Variants in CFTR observed in about 807,000 individuals in gnomAD.
CFTR encodes cystic fibrosis transmembrane conductance regulator.
In CFTR, 181 loss-of-function variants were observed where a neutral mutation model predicts 171.6. That is an observed-to-expected ratio of 1.05 (90% CI 0.93 to 1.19). The LOEUF (loss-of-function observed/expected upper bound fraction) is 1.19, where lower values mean the gene tolerates loss of function less well. Among genes scored for constraint, CFTR ranks in the 50% most tolerant of loss-of-function variants. The pLI is 0.00. For missense variants in CFTR, 1,968 were observed against 1,734.7 expected, an observed-to-expected ratio of 1.13 and a Z score of -2.39; for synonymous variants, 583 against 608.0, an observed-to-expected ratio of 0.96 and a Z score of 0.60.
intron 22 of CFTR, among the ~76,000 whole-genome samples, chr7:117,636,006 C>G (rs569239309): frequency 6.6e-6 from 1 of 152,062 alleles, no homozygotes; most frequent in Non-Finnish European, 1.5e-5. Context: ...TATAATTTTC[C>G]TTTTCTCTCT....
At chr7:117,518,588 A>G (rs13438309) in intron 3 of CFTR, among the ~76,000 whole-genome samples, 62,980 of 147,214 alleles carry the variant, frequency 0.43, 13,648 homozygotes, top group South Asian at 0.48. Flanking sequence ...ATATATATAT[A>G]TGTGTGTTTT....
chr7:117,652,208 A>G (rs1793099047), intron 23 of CFTR, among the ~76,000 whole-genome samples: 1 of 152,154 alleles, frequency 6.6e-6, no homozygotes. Context: ...TTGTCATTTT[A>G]TTCCTTACCA....
At chr7:117,488,117 T>G (rs979809472) in intron 1 of CFTR, among the ~76,000 whole-genome samples, 1 of 152,128 alleles carries the variant, frequency 6.6e-6, no homozygotes, top group African/African-American at 2.4e-5. Flanking sequence ...AAGGGCTAGA[T>G]AGTAAATATT....
chr7:117,482,909 T>A (rs1798020045), intron 1 of CFTR, among the ~76,000 whole-genome samples: 1 of 152,226 alleles, frequency 6.6e-6, no homozygotes, highest in African/African-American at 2.4e-5. Context: ...ACTGAGGAAC[T>A]GTGGGAACCC....
At chr7:117,494,132 G>T (rs1798202980) in intron 1 of CFTR, among the ~76,000 whole-genome samples, 1 of 151,972 alleles carries the variant, frequency 6.6e-6, no homozygotes, top group African/African-American at 2.4e-5. Flanking sequence ...ATTATCCTTG[G>T]AGTATTAATT....
At chr7:117,535,472 T>G in intron 6 of CFTR, 61 bp downstream of exon 6, 1 of 1,495,676 alleles carries the variant, frequency 6.7e-7, no homozygotes, top group Non-Finnish European at 9.3e-7. Flanking sequence ...AAGCCCACTT[T>G]AGTAAAACCA....
intron 11 of CFTR, among the ~76,000 whole-genome samples, chr7:117,567,391 A>G (rs1166266917): frequency 6.6e-6 from 1 of 152,232 alleles, no homozygotes; most frequent in Non-Finnish European, 1.5e-5. Flanking sequence ...AAGACCTTTC[A>G]GGAAGGGAAT....
intron 5 of CFTR, among the ~76,000 whole-genome samples, chr7:117,534,797 C>T (rs1248406172): frequency 6.6e-6 from 1 of 152,102 alleles, no homozygotes; most frequent in Admixed American, 6.5e-5. Context: ...ACAGCTGGTA[C>T]AAAATTAATT....
intron 23 of CFTR, among the ~76,000 whole-genome samples, chr7:117,651,757 A>G (rs1421372686): frequency 1.3e-5 from 2 of 152,174 alleles, no homozygotes; most frequent in Non-Finnish European, 2.9e-5. Context: ...CATGATCCTC[A>G]GTAAACTTGG....
Position 117,530,974 on chromosome 7 carries a change from C to G in CFTR, c.349C>G (p.Arg117Gly), listed in dbSNP as rs77834169. ...ASYDPDNKEE[R>G]SIAIYLGIGL... is the part of the protein sequence containing the mutation. ...CTATGACCCGGATAACAAGGAGGAA[C>G]GCTCTATCGCGATTTATCTAGGCAT... Residue 117 changes from arginine (R) to glycine (G), a missense_variant, in exon 4 of 27, where the codon CGC becomes GGC. By Grantham distance (125) the Arg-to-Gly change is moderately radical. Transcript: ENST00000003084. 5.3e-5 allele frequency: 85 copies of G among 1,613,576 alleles called. No individual in the cohort carries two copies. The highest frequency in any genetic ancestry group is 6.9e-5 in the Non-Finnish European group (81 of 1,179,770).
intron 10 of CFTR, among the ~76,000 whole-genome samples, chr7:117,556,815 G>C (rs1018466713): frequency 5.9e-5 from 9 of 151,660 alleles, no homozygotes; most frequent in Non-Finnish European, 1.3e-4. Flanking sequence ...CACCGCGCCC[G>C]GCCTGTTTCA....
At chr7:117,609,855 C>A (rs1792355734) in intron 18 of CFTR, among the ~76,000 whole-genome samples, 1 of 151,970 alleles carries the variant, frequency 6.6e-6, no homozygotes, top group Admixed American at 6.6e-5. Flanking sequence ...ATCCAAAGAT[C>A]AAAGAACACC....
intron 19 of CFTR, 101 bp downstream of exon 19, chr7:117,610,770 C>A: frequency 8.0e-7 from 1 of 1,244,078 alleles, no homozygotes; most frequent in South Asian, 1.3e-5. Context: ...TGCTTTTAAA[C>A]TTTTACATCA....
intron 23 of CFTR, among the ~76,000 whole-genome samples, chr7:117,648,421 C>G (rs1793030693): frequency 6.6e-6 from 1 of 152,052 alleles, no homozygotes; most frequent in Non-Finnish European, 1.5e-5. Context: ...AGGAGTCAAG[C>G]TGTAGCAAAA....
At chr7:117,541,887 G>T (rs1489791989) in intron 8 of CFTR, 129 bp from the exon 9 acceptor site, 2 of 420,140 alleles carry the variant, frequency 4.8e-6, no homozygotes, top group Admixed American at 3.9e-5. Context: ...ATTTTATTAA[G>T]AAATAATTAC....
At chr7:117,660,636 GAAGA>G (rs1420239311) in intron 24 of CFTR, among the ~76,000 whole-genome samples, 1 of 151,460 alleles carries the variant, frequency 6.6e-6, no homozygotes, top group Non-Finnish European at 1.5e-5. Flanking sequence ...TCTCAAAAAG[GAAGA>G]AAGAAAGATT....
chr7:117,508,102 C>A (rs768079180), intron 2 of CFTR, among the ~76,000 whole-genome samples: 6 of 152,204 alleles, frequency 3.9e-5, no homozygotes, highest in Non-Finnish European at 8.8e-5. Flanking sequence ...GATTTAGAGC[C>A]ATGTTTACTT....
At chr7:117,591,241 T>G (rs1792019138) in intron 13 of CFTR, among the ~76,000 whole-genome samples, 1 of 152,178 alleles carries the variant, frequency 6.6e-6, no homozygotes, top group Non-Finnish European at 1.5e-5. Context: ...TAAACTTTAC[T>G]ACATTTGTAT....
chr7:117,488,796 C>A lies in CFTR; in HGVS notation c.53+8649C>A, dbSNP rs781247127. 2.5e-4 allele frequency among the ~76,000 whole-genome samples: 38 copies of A among 151,964 alleles called. 1 individual carries two copies. The highest frequency in any genetic ancestry group is 5.9e-5 in the Non-Finnish European group (4 of 67,956). Reference sequence around the variant, plus strand: ...TTGTATAACATTTATATGTAATTTTCTTGATCCTACATGGTTGTGTTTTTC... The same window carrying A: ...TTGTATAACATTTATATGTAATTTTATTGATCCTACATGGTTGTGTTTTTC... On this transcript the variant is annotated intron_variant, in intron 1 of 26. Coordinates refer to ENST00000003084, the MANE Select transcript of CFTR (RefSeq NM_000492.4).
Sources: allele counts gnomAD v4.1 joint callset (sites outside exome capture counted in the v4.1 genomes callset), GRCh38; gene constraint gnomAD v4.1.1; transcripts MANE v1.5; gene names NCBI Gene and HGNC (gene_info 2026-07-23, HGNC 2026-07-21).